Variants in BUD13 observed in about 807,000 individuals in gnomAD.
The protein encoded by BUD13 is BUD13 spliceosome associated protein, also known as BUD13 homolog.
Under a neutral mutation model 62.5 loss-of-function variants are expected in BUD13, and 47 were observed. The ratio of observed to expected loss-of-function variants is 0.75; its 90% CI spans 0.60 to 0.96. The LOEUF (loss-of-function observed/expected upper bound fraction) is 0.96. Ranked by LOEUF, BUD13 falls within the 40% of genes least tolerant of loss-of-function variation. The pLI is 0.00. For missense variants in BUD13, 821 were observed against 790.9 expected, an observed-to-expected ratio of 1.04 and a Z score of -0.46; for synonymous variants, 293 against 280.1, an observed-to-expected ratio of 1.05 and a Z score of -0.46.
At chr11:116,766,808 G>T (rs929364112) in intron 2 of BUD13, among the ~76,000 whole-genome samples, 1 of 152,196 alleles carries the variant, frequency 6.6e-6, no homozygotes, top group Non-Finnish European at 1.5e-5. Context: ...CAGTAATCAA[G>T]ATCTGTTTTA....
chr11:116,758,198 G>A (rs1402868678), intron 7 of BUD13, 71 bp downstream of exon 7: 5 of 1,584,668 alleles, frequency 3.2e-6, no homozygotes, highest in African/African-American at 2.7e-5. Context: ...GAAAGTGAGT[G>A]ATCAGAAGAG....
intron 9 of BUD13, among the ~76,000 whole-genome samples, chr11:116,751,445 A>G (rs1309861800): frequency 6.6e-6 from 1 of 151,928 alleles, no homozygotes; most frequent in Non-Finnish European, 1.5e-5. Context: ...CCTGGCCAAC[A>G]TGGTGAAACC....
chr11:116,757,623 A>C, intron 8 of BUD13, 143 bp downstream of exon 8: 1 of 1,120,640 alleles, frequency 8.9e-7, no homozygotes, highest in Non-Finnish European at 1.3e-6. Context: ...ATATAGAAAG[A>C]CCAATTGAGT....
In BUD13 at chr11:116,767,275, A is replaced by G. The variant is rs556097545; in HGVS notation, c.238-1829T>C. Among the ~76,000 whole-genome samples, 10 of 151,680 alleles carry G rather than the reference A, an allele frequency of 6.6e-5. No homozygotes were observed. The East Asian group carries it at 1.8e-3, about 27-fold the overall frequency. On this transcript the variant is annotated intron_variant, in intron 2 of 9. Coordinates refer to ENST00000260210, the MANE Select transcript of BUD13 (RefSeq NM_032725.4). ...CACAACATAAGCCTAATGAACATAT[A>G]AAAAATGATTCATTTCACTAGTGTT...
rs1940175816 is a variant in BUD13, at chr11:116,748,333, T to C, written c.*149A>G. 1 of 659,266 alleles carries C rather than the reference T, an allele frequency of 1.5e-6. No individual in the cohort carries two copies. Among genetic ancestry groups the C allele is most frequent in the Non-Finnish European group, 2.7e-6 (1 of 376,202 alleles). The allele number at this position is 659,266 out of a possible 1,614,324, so 40.8% of individuals were successfully genotyped here. A position where few individuals can be genotyped will look rare whatever the true frequency, so the allele number is the denominator to read the frequency against. ...GGTACCTCAGTCCAAACATCAGGTC[T>C]CGAATATTCTTCTGTGGTCAAAACT... On this transcript the variant is annotated 3_prime_UTR_variant, in exon 10 of 10. Transcript: ENST00000260210.
At chr11:116,761,209 G>A (rs992478376) in intron 4 of BUD13, among the ~76,000 whole-genome samples, 8 of 151,862 alleles carry the variant, frequency 5.3e-5, no homozygotes, top group African/African-American at 9.7e-5. Context: ...GTGCCACCAC[G>A]CCCAGCTAAT....
In BUD13 at chr11:116,760,811, GGTGGAGA is replaced by G. The variant is rs768156860; in HGVS notation, c.1171_1177del (p.Ser391GlnfsTer40). ...AGATTTGGTCCTCTGTCTCCTCCTT[GGTGGAGA>G]GAGGTCAGAATCAGAGCTCCGGTGT... On this transcript the variant is annotated frameshift_variant, in exon 5 of 10. Coordinates refer to ENST00000260210, the MANE Select transcript of BUD13 (RefSeq NM_032725.4). LOFTEE classifies it high-confidence loss of function. 3.1e-6 allele frequency: 5 copies of G among 1,614,168 alleles called. No individual in the cohort carries two copies. The highest frequency in any genetic ancestry group is 4.2e-6 in the Non-Finnish European group (5 of 1,180,022).
rs181889540 is a variant in BUD13 at position 116,764,776 on chromosome 11, C to A, written c.322+586G>T. Among the ~76,000 whole-genome samples, 726 of 152,244 alleles carry A rather than the reference C, an allele frequency of 4.8e-3. 4 individuals carry two copies. Among genetic ancestry groups the A allele is most frequent in the Non-Finnish European group, 8.6e-3 (586 of 67,996 alleles). Reference sequence around the variant, plus strand: ...CTAGTCTATGCTCAAACAGATGTGACAAACAAATGCTTTTTATCCAATTCT... The same window carrying A: ...CTAGTCTATGCTCAAACAGATGTGAAAAACAAATGCTTTTTATCCAATTCT... On this transcript the variant is annotated intron_variant, in intron 3 of 9. Coordinates refer to ENST00000260210, the MANE Select transcript of BUD13 (RefSeq NM_032725.4).
intron 9 of BUD13, among the ~76,000 whole-genome samples, chr11:116,755,476 C>T (rs1211445241): frequency 6.6e-6 from 1 of 152,126 alleles, no homozygotes; most frequent in Non-Finnish European, 1.5e-5. Flanking sequence ...ATTAATATAA[C>T]AGTAAGGAAA....
chr11:116,768,874 G>T (rs1940576682), intron 2 of BUD13, among the ~76,000 whole-genome samples: 2 of 151,878 alleles, frequency 1.3e-5, no homozygotes, highest in Non-Finnish European at 2.9e-5. Context: ...AATTAGCCGG[G>T]CGTGTTGGTG....
At chr11:116,768,990 G>A (rs1027105020) in intron 2 of BUD13, among the ~76,000 whole-genome samples, 1 of 144,876 alleles carries the variant, frequency 6.9e-6, no homozygotes, top group Non-Finnish European at 1.5e-5. Flanking sequence ...ACTCAAGCCT[G>A]GGCAACACGG....
At chr11:116,770,300 A>G in intron 1 of BUD13, 78 bp from the exon 2 acceptor site, 4 of 1,305,538 alleles carry the variant, frequency 3.1e-6, no homozygotes, top group Non-Finnish European at 4.2e-6. Context: ...GTTTTAAAAT[A>G]AAGTTCAAAA....
rs1565313255 is a variant in BUD13 at position 116,760,745 on chromosome 11, G to A, written c.1244C>T (p.Pro415Leu). Residue 415 changes from proline (P) to leucine (L), a missense_variant, in exon 5 of 10, where the codon CCT becomes CTT. This residue lies in a region of BUD13 where 800 missense variants were observed against 739.2 expected (regional missense o/e 1.08). Transcript: ENST00000260210. ...DLSPPRRSQPPGKKAAHMYSG... is the reference protein window; with the variant it reads ...DLSPPRRSQPLGKKAAHMYSG... ...CCTGAAAATCCTGACCTTCTTTCCA[G>A]GAGGCTGACTCCTTCGAGGCGGGGA... is the stretch of plus-strand genomic sequence containing the variant. 9 of 1,614,162 alleles carry A rather than the reference G, an allele frequency of 5.6e-6. No homozygotes were observed. In the Middle Eastern group the frequency reaches 6.6e-4, roughly 118 times the overall value.
At chr11:116,770,408 G>A (rs1482329257) in intron 1 of BUD13, among the ~76,000 whole-genome samples, 186 bp from the exon 2 acceptor site, 2 of 152,106 alleles carry the variant, frequency 1.3e-5, no homozygotes, top group African/African-American at 2.4e-5. Context: ...TCATCCTTTG[G>A]TGCTTAGAAA....
In BUD13 at chr11:116,757,843, C is replaced by T. The variant is rs777136519; in HGVS notation, c.1607G>A (p.Arg536Lys). 6.2e-6 allele frequency: 10 copies of T among 1,614,190 alleles called. No individual in the cohort carries two copies. In the South Asian group the frequency reaches 8.8e-5, roughly 14 times the overall value. ...IDDEDLDRML[R>K]EQEREGDPMA... ...AGGGTCCCCCTCTCTTTCCTGTTCT[C>T]TTAGCATCCTATCCAGATCTTCGTC... Residue 536 changes from arginine (R) to lysine (K), a missense_variant, in exon 8 of 10, where the codon AGA (arginine) becomes AAA (lysine). Physicochemically the swap from Arg to Lys is conservative, Grantham distance 26. Coordinates refer to ENST00000260210, the MANE Select transcript of BUD13 (RefSeq NM_032725.4).
intron 9 of BUD13, among the ~76,000 whole-genome samples, chr11:116,751,834 A>G (rs1940240644): frequency 6.6e-6 from 1 of 152,242 alleles, no homozygotes; most frequent in East Asian, 1.9e-4. Flanking sequence ...ATTGCAGGAG[A>G]ACTCACAGTG....
chr11:116,754,647 T>C (rs929024947), intron 9 of BUD13, among the ~76,000 whole-genome samples: 2 of 152,196 alleles, frequency 1.3e-5, no homozygotes, highest in African/African-American at 4.8e-5. Context: ...AAATGTGTTG[T>C]AAAAACTAAA....
intron 9 of BUD13, among the ~76,000 whole-genome samples, chr11:116,754,668 C>T (rs1192287868): frequency 2.6e-5 from 4 of 152,116 alleles, no homozygotes; most frequent in African/African-American, 9.7e-5. Flanking sequence ...TGTTTTCTTC[C>T]TGAGATTAGG....
Position 116,762,832 on chromosome 11 carries a change from T to C in BUD13, c.757A>G (p.Arg253Gly), listed in dbSNP as rs73588409. Residue 253 changes from arginine (R) to glycine (G), a missense_variant, in exon 4 of 10, where the codon AGG becomes GGG. This residue lies in a region of BUD13 where 800 missense variants were observed against 739.2 expected (regional missense o/e 1.08). Coordinates refer to ENST00000260210, the MANE Select transcript of BUD13 (RefSeq NM_032725.4). ...RVHNNSPDTS[R>G]RTLGSSDTQQ... is the part of the protein sequence containing the mutation. ...GTGTCTGAAGAGCCAAGAGTCCTCCTAGATGTGTCAGGGGAGTTGTTATGG... is the reference window on the plus strand; with the variant it reads ...GTGTCTGAAGAGCCAAGAGTCCTCCCAGATGTGTCAGGGGAGTTGTTATGG... 4,245 of 1,613,912 alleles carry C rather than the reference T, an allele frequency of 2.6e-3. 96 individuals are homozygous for C. In the African/African-American group the frequency reaches 0.049, roughly 18 times the overall value.
Sources: gnomAD v4.1 joint callset for allele counts (sites outside exome capture counted in the v4.1 genomes callset) on GRCh38, gnomAD v4.1.1 for gene constraint, gnomAD v4.1.1 regional missense constraint, MANE v1.5 for transcripts, NCBI Gene and HGNC (gene_info 2026-07-23, HGNC 2026-07-21) for gene names.